PRKN: variants seen among roughly 807,000 people sequenced by gnomAD.
PRKN encodes the protein parkin RBR E3 ubiquitin protein ligase.
PRKN carries 56 observed loss-of-function variants against 59.5 expected under a neutral mutation model. The observed-to-expected ratio is 0.94, with a 90% confidence interval of 0.76 to 1.18. The LOEUF (loss-of-function observed/expected upper bound fraction) is 1.18, where lower values mean the gene tolerates loss of function less well. Among genes scored for constraint, PRKN ranks in the 50% most tolerant of loss-of-function variants. The pLI is 0.00. For synonymous variants in PRKN, 250 were observed against 222.1 expected (o/e 1.13, Z -1.12); for missense variants, 657 against 596.4 (o/e 1.10, Z -1.06).
chr6:162,709,716 A>C (rs1242127681), intron 1 of PRKN, among the ~76,000 whole-genome samples: 1 of 152,228 alleles, frequency 6.6e-6, no homozygotes, highest in African/African-American at 2.4e-5. Flanking sequence ...ATGTATGAGA[A>C]ACGATACACA....
rs147853469 is a variant in PRKN, at chr6:162,675,007, C to T, written c.7+52655G>A. On this transcript the variant is annotated intron_variant, in intron 1 of 11. Transcript: ENST00000366898. ...AACATAGAGGAAGCACATTTTGGGGCGGCAGAGAAAGAAGACTTTATTTTA... is the reference window on the plus strand; with the variant it reads ...AACATAGAGGAAGCACATTTTGGGGTGGCAGAGAAAGAAGACTTTATTTTA... Among the ~76,000 whole-genome samples, 1,305 of 151,132 alleles carry T rather than the reference C, an allele frequency of 8.6e-3. 6 individuals are homozygous for T. The highest frequency in any genetic ancestry group is 0.014 in the Non-Finnish European group (946 of 67,842).
At chr6:162,157,187 C>G (rs1782549782) in intron 4 of PRKN, among the ~76,000 whole-genome samples, 1 of 151,802 alleles carries the variant, frequency 6.6e-6, no homozygotes, top group Non-Finnish European at 1.5e-5. Flanking sequence ...AGTCTATTCT[C>G]TTCTCCTCTG....
intron 1 of PRKN, among the ~76,000 whole-genome samples, chr6:162,639,789 C>G (rs1777890049): frequency 1.3e-5 from 2 of 152,070 alleles, no homozygotes; most frequent in South Asian, 4.1e-4. Flanking sequence ...TAGGTTTGGT[C>G]TAATTATTCA....
rs2115416140 is a variant in PRKN, at chr6:161,544,229, T to G, written c.1083+4625A>C. Among the ~76,000 whole-genome samples, 1 of 152,350 alleles carries G rather than the reference T, an allele frequency of 6.6e-6. No individual in the cohort carries two copies. Among genetic ancestry groups the G allele is most frequent in the African/African-American group, 2.4e-5 (1 of 41,588 alleles). On this transcript the variant is annotated intron_variant, in intron 9 of 11. Coordinates refer to ENST00000366898, the MANE Select transcript of PRKN (RefSeq NM_004562.3). This position sits in a 1 kb window ranked among gnomAD's most constrained non-coding sequence, Gnocchi z 5.5. ...CCTTTGATAGAGCACACCAATTCTG[T>G]AAATTCTGCAGTACTTTCAGGTTTC...
At chr6:161,898,580 A>G (rs1016498650) in intron 6 of PRKN, among the ~76,000 whole-genome samples, 1 of 152,164 alleles carries the variant, frequency 6.6e-6, no homozygotes, top group Non-Finnish European at 1.5e-5. Context: ...CATGCAGATG[A>G]TTACTAAATG....
chr6:161,708,744 C>A (rs1207792985), intron 7 of PRKN, among the ~76,000 whole-genome samples: 1 of 152,120 alleles, frequency 6.6e-6, no homozygotes, highest in East Asian at 1.9e-4. Flanking sequence ...AAGAGAAAAT[C>A]AAGCCTAGAA....
chr6:161,359,216 C>G lies in PRKN; in HGVS notation c.1285+872G>C, dbSNP rs1430418107. 2.0e-5 allele frequency among the ~76,000 whole-genome samples: 3 copies of G among 152,338 alleles called. No individual in the cohort carries two copies. The East Asian group carries it at 5.8e-4, about 29-fold the overall frequency. On this transcript the variant is annotated intron_variant, in intron 11 of 11. Transcript: ENST00000366898. This position sits in a 1 kb window ranked among gnomAD's most constrained non-coding sequence, Gnocchi z 5.4. Reference sequence around the variant, plus strand: ...TTTTCTCTGCAGGAAGCCACTGATACAGCACTAAGGACTTGTACTGAGCTA... The same window carrying G: ...TTTTCTCTGCAGGAAGCCACTGATAGAGCACTAAGGACTTGTACTGAGCTA...
At chr6:162,491,226 C>T (rs1482149686) in intron 1 of PRKN, among the ~76,000 whole-genome samples, 8 of 149,244 alleles carry the variant, frequency 5.4e-5, no homozygotes, top group Non-Finnish European at 8.9e-5. Flanking sequence ...GCTGAGATTG[C>T]ACCACTGCAC....
intron 9 of PRKN, among the ~76,000 whole-genome samples, chr6:161,439,506 A>T (rs1271645263): frequency 1.3e-5 from 2 of 152,234 alleles, no homozygotes; most frequent in Non-Finnish European, 2.9e-5. Context: ...ACCCGAAGGC[A>T]GCTCCGTCTG....
At chr6:162,701,860 TACATAC>T (rs1332110376) in intron 1 of PRKN, among the ~76,000 whole-genome samples, 1 of 115,368 alleles carries the variant, frequency 8.7e-6, no homozygotes, top group South Asian at 3.1e-4. Flanking sequence ...CTCACATACA[TACATAC>T]ACACACACAC....
intron 7 of PRKN, among the ~76,000 whole-genome samples, chr6:161,770,670 G>GT (rs1789628711): frequency 6.6e-6 from 1 of 152,052 alleles, no homozygotes; most frequent in Non-Finnish European, 1.5e-5. Flanking sequence ...ATTTCACCAT[G>GT]TTGGTCAGTC....
intron 2 of PRKN, among the ~76,000 whole-genome samples, chr6:162,276,098 T>A (rs1055405260): frequency 2.6e-4 from 40 of 152,192 alleles, no homozygotes; most frequent in Admixed American, 6.6e-4. Flanking sequence ...CTGTCAGCTT[T>A]TTCAGTGACA....
At chr6:161,876,572 C>T (rs548682251) in intron 6 of PRKN, among the ~76,000 whole-genome samples, 87 of 152,266 alleles carry the variant, frequency 5.7e-4, no homozygotes, top group African/African-American at 2.0e-3. Flanking sequence ...CTTCGCATTT[C>T]AAAGTGTTAG....
At chr6:161,793,083 T>C (rs1790702761) in intron 6 of PRKN, among the ~76,000 whole-genome samples, 1 of 152,228 alleles carries the variant, frequency 6.6e-6, no homozygotes, top group Non-Finnish European at 1.5e-5. Context: ...AGTTCATTAT[T>C]TGAATTAGCC....
At chr6:161,899,545 T>C (rs1303182327) in intron 6 of PRKN, among the ~76,000 whole-genome samples, 1 of 152,160 alleles carries the variant, frequency 6.6e-6, no homozygotes, top group African/African-American at 2.4e-5. Flanking sequence ...AATGTTTATT[T>C]TCTCACTCAT....
At chr6:162,690,441 A>G (rs1012112643) in intron 1 of PRKN, among the ~76,000 whole-genome samples, 1 of 152,166 alleles carries the variant, frequency 6.6e-6, no homozygotes, top group African/African-American at 2.4e-5. Context: ...CAGCTCATTT[A>G]CTCCACATGA....
rs1784425280 is a variant in PRKN at position 161,348,999 on chromosome 6, T to G, written c.*1100A>C. 1 of 206,038 alleles carries G rather than the reference T, an allele frequency of 4.9e-6. No individual in the cohort carries two copies. The highest frequency in any genetic ancestry group is 2.3e-5 in the African/African-American group (1 of 43,816). The allele number at this position is 206,038 out of a possible 1,614,324, so 12.8% of individuals were successfully genotyped here. A position where few individuals can be genotyped will look rare whatever the true frequency, so the allele number is the denominator to read the frequency against. The stretch of plus-strand genomic sequence containing the variant: ...AAGGTCTCTCCTGGGGAACCCCTGG[T>G]ATGCAGAGCTCCCTGGGACTTGCAG... On this transcript the variant is annotated 3_prime_UTR_variant, in exon 12 of 12. Transcript: ENST00000366898. This position sits in a 1 kb window ranked among gnomAD's most constrained non-coding sequence, Gnocchi z 4.9.
At chr6:161,780,859 T>C (rs1790174080) in intron 7 of PRKN, among the ~76,000 whole-genome samples, 1 of 152,226 alleles carries the variant, frequency 6.6e-6, no homozygotes, top group Non-Finnish European at 1.5e-5. Context: ...AGTTTGTTCT[T>C]GACAAAATAA....
intron 6 of PRKN, among the ~76,000 whole-genome samples, chr6:161,967,861 C>G (rs1784591): frequency 0.34 from 51,689 of 151,970 alleles, 9,947 homozygotes; most frequent in South Asian, 0.51. Flanking sequence ...TTAGATAGTG[C>G]CCAGTAAACC....
Sources: gnomAD v4.1 joint callset for allele counts (sites outside exome capture counted in the v4.1 genomes callset) on GRCh38, gnomAD v4.1.1 for gene constraint, Gnocchi (gnomAD v3.1) non-coding constraint, MANE v1.5 for transcripts, NCBI Gene and HGNC (gene_info 2026-07-23, HGNC 2026-07-21) for gene names.